The following CADPS variants were observed in gnomAD, a reference collection of about 807,000 sequenced individuals.
CADPS encodes calcium dependent secretion activator, also known as calcium-dependent secretion activator 1.
CADPS carries 57 observed loss-of-function variants against 167.3 expected under a neutral mutation model. The observed-to-expected ratio is 0.34, with a 90% CI of 0.28 to 0.42. The LOEUF is 0.42. CADPS is among the 20% of genes least tolerant of loss of function. CADPS has a pLI of 1.00. For missense variants in CADPS, 1,414 were observed against 1,738.1 expected (o/e 0.81, Z 3.32); for synonymous variants, 676 against 635.3 (o/e 1.06, Z -0.96).
intron 6 of CADPS, among the ~76,000 whole-genome samples, chr3:62,608,077 T>C (rs775265886): frequency 7.2e-5 from 11 of 152,116 alleles, no homozygotes; most frequent in Non-Finnish European, 1.2e-4. Flanking sequence ...CCTGGTATAT[T>C]GACACTATCA....
At chr3:62,536,718 A>G (rs2074760762) in intron 11 of CADPS, 137 bp from the exon 12 acceptor site, 4 of 799,070 alleles carry the variant, frequency 5.0e-6, no homozygotes, top group Middle Eastern at 2.4e-4. Flanking sequence ...CAACATCCCC[A>G]AGATATTCTT....
At chr3:62,439,482 A>G (rs2055852189) in intron 27 of CADPS, 1 of 152,194 alleles carries the variant, frequency 6.6e-6, no homozygotes, top group South Asian at 2.1e-4. Context: ...TACACTTTCA[A>G]ACAATTTTCA....
chr3:62,781,614 G>T (rs1206085659), intron 1 of CADPS, among the ~76,000 whole-genome samples: 1 of 152,172 alleles, frequency 6.6e-6, no homozygotes, highest in Non-Finnish European at 1.5e-5. Context: ...GTTACGTTCT[G>T]TTGGGAGGGG....
At chr3:62,728,891 T>C (rs1362876533) in intron 3 of CADPS, among the ~76,000 whole-genome samples, 1 of 151,882 alleles carries the variant, frequency 6.6e-6, no homozygotes, top group Admixed American at 6.6e-5. Context: ...GGATAACTGC[T>C]TGCAATTTGG....
chr3:62,578,617 TA>T (rs59984256), intron 8 of CADPS, among the ~76,000 whole-genome samples: 14 of 77,888 alleles, frequency 1.8e-4, no homozygotes, highest in Middle Eastern at 6.7e-3. Flanking sequence ...CTCAAAAAAA[TA>T]AAAAAAAAAA....
At chr3:62,538,924 T>C (rs975362279) in intron 11 of CADPS, among the ~76,000 whole-genome samples, 3 of 152,140 alleles carry the variant, frequency 2.0e-5, no homozygotes, top group Admixed American at 6.6e-5. Context: ...TCCATCACAA[T>C]GGCTCAATGA....
chr3:62,638,666 G>T (rs141746136), intron 6 of CADPS, among the ~76,000 whole-genome samples: 39 of 152,164 alleles, frequency 2.6e-4, no homozygotes, highest in African/African-American at 9.4e-4. Flanking sequence ...GAGTATCAAC[G>T]TCTAACTGAC....
chr3:62,874,974 C>T lies in CADPS; in HGVS notation c.56G>A (p.Ser19Asn), dbSNP rs772478182. The T allele has an allele frequency of 1.9e-4, 309 of 1,593,772 alleles. No homozygotes were observed. Among genetic ancestry groups the T allele is most frequent in the Non-Finnish European group, 2.3e-4 (273 of 1,170,960 alleles). Reference sequence around the variant, plus strand: ...GGCCGAGCCGAGCACCTCCTTGCCGCTCTCCTCCTCCACGATCTCATCCGA... The same window carrying T: ...GGCCGAGCCGAGCACCTCCTTGCCGTTCTCCTCCTCCACGATCTCATCCGA... ...EESDEIVEEE[S>N]GKEVLGSAPS... is the part of the protein sequence containing the mutation. The change falls in exon 1 of 30, where the codon AGC (serine) becomes AAC (asparagine). Residue 19 changes from serine (S) to asparagine (N), a missense_variant. This residue lies in a region of CADPS where 522 missense variants were observed against 559.5 expected (regional missense o/e 0.93). Coordinates refer to ENST00000383710, the MANE Select transcript of CADPS (RefSeq NM_003716.4). This position sits in a 1 kb window ranked among gnomAD's most constrained non-coding sequence, Gnocchi z 7.1.
At chr3:62,812,110 A>T (rs770576067) in intron 1 of CADPS, among the ~76,000 whole-genome samples, 1 of 152,204 alleles carries the variant, frequency 6.6e-6, no homozygotes, top group Non-Finnish European at 1.5e-5. Context: ...ACATAATTAT[A>T]TACGGTATGG....
chr3:62,870,916 T>C (rs981002600), intron 1 of CADPS, among the ~76,000 whole-genome samples: 1 of 152,144 alleles, frequency 6.6e-6, no homozygotes, highest in Non-Finnish European at 1.5e-5. Context: ...ACTTTACCAT[T>C]CTGACAAAAG....
intron 17 of CADPS, chr3:62,499,992 C>A (rs2065467333): frequency 6.6e-6 from 1 of 151,910 alleles, no homozygotes; most frequent in African/African-American, 2.4e-5. Context: ...GTATTTTTAC[C>A]CAGCTCAAGA....
At chr3:62,668,869 C>A (rs976675838) in intron 3 of CADPS, among the ~76,000 whole-genome samples, 1 of 152,062 alleles carries the variant, frequency 6.6e-6, no homozygotes, top group African/African-American at 2.4e-5. Context: ...AGCTGTGACC[C>A]AAAAAGGAAT....
intron 26 of CADPS, among the ~76,000 whole-genome samples, chr3:62,448,921 A>G (rs552131872): frequency 5.3e-5 from 8 of 152,246 alleles, no homozygotes; most frequent in Admixed American, 1.3e-4. Context: ...GCCGCTGGAT[A>G]TTGAACTTTA....
intron 28 of CADPS, among the ~76,000 whole-genome samples, chr3:62,408,629 T>C (rs2048352042): frequency 6.6e-6 from 1 of 152,232 alleles, no homozygotes. Flanking sequence ...TGCGGTTATG[T>C]CTTCTGTCAT....
intron 11 of CADPS, among the ~76,000 whole-genome samples, chr3:62,546,914 C>A (rs1428491161): frequency 1.3e-5 from 2 of 152,178 alleles, no homozygotes; most frequent in East Asian, 1.9e-4. Flanking sequence ...GACTGTATTC[C>A]CTCATATCTA....
At chr3:62,400,555 C>T (rs979251038) in intron 29 of CADPS, among the ~76,000 whole-genome samples, 2 of 150,858 alleles carry the variant, frequency 1.3e-5, no homozygotes, top group Admixed American at 6.6e-5. Flanking sequence ...ACAAGGAATG[C>T]TAACATACGT....
intron 9 of CADPS, among the ~76,000 whole-genome samples, chr3:62,569,628 A>C (rs537758301): frequency 6.6e-6 from 1 of 152,326 alleles, no homozygotes; most frequent in Non-Finnish European, 1.5e-5. Flanking sequence ...AAGGTCATTT[A>C]GACCTAAAAG....
intron 1 of CADPS, among the ~76,000 whole-genome samples, chr3:62,855,175 C>G (rs905521646): frequency 6.8e-6 from 1 of 147,200 alleles, no homozygotes; most frequent in Admixed American, 7.1e-5. Flanking sequence ...GAACTCCTGA[C>G]CTCAGGCAAT....
At chr3:62,489,872 A>T (rs997844779) in intron 21 of CADPS, among the ~76,000 whole-genome samples, 1 of 152,218 alleles carries the variant, frequency 6.6e-6, no homozygotes, top group Non-Finnish European at 1.5e-5. Flanking sequence ...ATAATTTACC[A>T]TCAAGGGATC....
Sources: allele counts gnomAD v4.1 joint callset (sites outside exome capture counted in the v4.1 genomes callset), GRCh38; gene constraint gnomAD v4.1.1; regional missense constraint gnomAD v4.1.1; non-coding constraint Gnocchi (gnomAD v3.1); transcripts MANE v1.5; gene names NCBI Gene and HGNC (gene_info 2026-07-23, HGNC 2026-07-21).